The following ERN1 variants were observed in gnomAD, a reference collection of about 807,000 sequenced individuals.
The protein encoded by ERN1 is endoplasmic reticulum to nucleus signaling 1, also known as serine/threonine-protein kinase/endoribonuclease IRE1.
ERN1 carries 39 observed loss-of-function variants against 113.1 expected under a neutral mutation model. The ratio of observed to expected loss-of-function variants is 0.34; its 90% CI spans 0.27 to 0.45. ERN1 has a LOEUF of 0.45. Ranked by LOEUF, ERN1 falls within the 20% of genes least tolerant of loss-of-function variation. The probability of loss-of-function intolerance (pLI) is 1.00; values close to 1 mark genes in which losing one functional copy is unlikely to be tolerated. For missense variants in ERN1, 976 were observed against 1,274.8 expected, an observed-to-expected ratio of 0.77 and a Z score of 3.57; for synonymous variants, 507 against 515.9, an observed-to-expected ratio of 0.98 and a Z score of 0.23.
At chr17:64,124,842 A>C (rs911096231) in intron 1 of ERN1, among the ~76,000 whole-genome samples, 7 of 152,240 alleles carry the variant, frequency 4.6e-5, no homozygotes, top group African/African-American at 1.7e-4. Context: ...GAACCTTGAG[A>C]ACATGATGCT....
chr17:64,058,300 A>G (rs79103511), intron 11 of ERN1, among the ~76,000 whole-genome samples: 2,169 of 152,250 alleles, frequency 0.014, 38 homozygotes, highest in African/African-American at 0.05. Flanking sequence ...AAAGGCAAAC[A>G]CTTCCTCCTT....
chr17:64,085,794 G>A (rs1269449415), intron 2 of ERN1, among the ~76,000 whole-genome samples: 5 of 152,102 alleles, frequency 3.3e-5, no homozygotes, highest in African/African-American at 1.2e-4. Flanking sequence ...TCCATGGTGT[G>A]GCCAGCTAGG....
intron 9 of ERN1, among the ~76,000 whole-genome samples, chr17:64,064,794 A>G (rs1913166588): frequency 6.6e-6 from 1 of 152,194 alleles, no homozygotes; most frequent in Non-Finnish European, 1.5e-5. Context: ...TTGAAGTGTG[A>G]GGTGAGGAGC....
intron 6 of ERN1, among the ~76,000 whole-genome samples, chr17:64,070,498 TA>T (rs1483392870): frequency 1.3e-5 from 2 of 152,172 alleles, no homozygotes; most frequent in African/African-American, 4.8e-5. Context: ...ATGGAAAAGG[TA>T]AACACATAAA....
chr17:64,114,257 G>T (rs1253137198), intron 1 of ERN1, among the ~76,000 whole-genome samples: 1 of 152,142 alleles, frequency 6.6e-6, no homozygotes, highest in Non-Finnish European at 1.5e-5. Context: ...GGAGCTTACA[G>T]TCCAATAGGA....
At chr17:64,094,803 A>C in intron 2 of ERN1, among the ~76,000 whole-genome samples, 1 of 149,948 alleles carries the variant, frequency 6.7e-6, no homozygotes, top group Non-Finnish European at 1.5e-5. Flanking sequence ...TCCCCACTTC[A>C]TTTTTTCTTC....
Position 64,054,889 on chromosome 17 carries a change from T to TGA in ERN1, c.1673-62_1673-61insTC. ...AGATATCACCTAAAGAACCTTGAGG[T>TGA]TAACATAGTGACAAGCTTCCTGACC... On this transcript the variant is annotated intron_variant, in intron 13 of 21. Coordinates refer to ENST00000433197, the MANE Select transcript of ERN1 (RefSeq NM_001433.5). The surrounding 1 kb of genome is among the most constrained non-coding windows in gnomAD (Gnocchi z 4.9). 1.6e-6 allele frequency: 2 copies of TGA among 1,276,660 alleles called. No individual in the cohort carries two copies. Among genetic ancestry groups the TGA allele is most frequent in the Non-Finnish European group, 2.2e-6 (2 of 904,634 alleles). 79.1% of individuals were successfully genotyped at this position (1,276,660 alleles called of 1,614,324 possible).
In ERN1 at chr17:64,049,423, G is replaced by A. The variant is rs550164163; in HGVS notation, c.2254-221C>T. On this transcript the variant is annotated intron_variant, in intron 17 of 21. Transcript: ENST00000433197. The surrounding 1 kb of genome is among the most constrained non-coding windows in gnomAD (Gnocchi z 4.7). ...AACCTGGGCTTGGAGCCACCTGGAA[G>A]CCCCTGGTTCCCTCTCATGTGAGAT... Among the ~76,000 whole-genome samples the A allele has an allele frequency of 2.6e-5, 4 of 152,332 alleles. No homozygotes were observed. The East Asian group carries it at 7.7e-4, about 29-fold the overall frequency.
intron 6 of ERN1, among the ~76,000 whole-genome samples, chr17:64,071,512 C>T (rs1234953358): frequency 6.6e-6 from 1 of 152,056 alleles, no homozygotes; most frequent in Non-Finnish European, 1.5e-5. Flanking sequence ...CCTCCACCTC[C>T]CCAGTTCAGG....
At chr17:64,077,314 G>A (rs1210891622) in intron 4 of ERN1, among the ~76,000 whole-genome samples, 1 of 152,106 alleles carries the variant, frequency 6.6e-6, no homozygotes, top group African/African-American at 2.4e-5. Context: ...TGCATAATAC[G>A]CAAACAGAAA....
chr17:64,074,584 G>T (rs1001352040), intron 5 of ERN1, among the ~76,000 whole-genome samples: 4 of 152,250 alleles, frequency 2.6e-5, no homozygotes, highest in Non-Finnish European at 4.4e-5. Context: ...AAAGAAAGCT[G>T]CTGTATAAAT....
At chr17:64,117,945 C>G (rs7209842) in intron 1 of ERN1, among the ~76,000 whole-genome samples, 10,442 of 152,202 alleles carry the variant, frequency 0.069, 512 homozygotes, top group African/African-American at 0.12. Context: ...TCCCAAGCAT[C>G]TCAAACAGTG....
intron 2 of ERN1, among the ~76,000 whole-genome samples, chr17:64,089,253 A>G (rs1347709849): frequency 7.1e-6 from 1 of 140,754 alleles, no homozygotes; most frequent in Non-Finnish European, 1.5e-5. Context: ...TGGGAGGCAG[A>G]GCTTGCAGTG....
Position 64,119,380 on chromosome 17 carries a change from T to G in ERN1, c.54+10596A>C, listed in dbSNP as rs1370528445. Among the ~76,000 whole-genome samples the G allele has an allele frequency of 2.7e-3, 305 of 111,722 alleles. 31 individuals carry two copies. Among genetic ancestry groups the G allele is most frequent in the African/African-American group, 0.014 (291 of 21,398 alleles). 73.3% of individuals were successfully genotyped at this position (111,722 alleles called of 152,430 possible). On this transcript the variant is annotated intron_variant, in intron 1 of 21. Transcript: ENST00000433197. ...ATTAGGTTCCTTTTTTTCTAGGTTTTTTTTTTTTTTTTTTTTTTTTTTTTT... is the reference window on the plus strand; with the variant it reads ...ATTAGGTTCCTTTTTTTCTAGGTTTGTTTTTTTTTTTTTTTTTTTTTTTTT...
At chr17:64,103,116 A>G (rs1258908370) in intron 1 of ERN1, among the ~76,000 whole-genome samples, 1 of 152,058 alleles carries the variant, frequency 6.6e-6, no homozygotes, top group African/African-American at 2.4e-5. Flanking sequence ...CTGCAGCCCT[A>G]CTCAGCTGGA....
At chr17:64,056,763 G>C (rs1044980378) in intron 12 of ERN1, among the ~76,000 whole-genome samples, 2 of 152,204 alleles carry the variant, frequency 1.3e-5, no homozygotes, top group Non-Finnish European at 2.9e-5. Flanking sequence ...TACCCGTGGG[G>C]AAAGTTACTT....
intron 2 of ERN1, among the ~76,000 whole-genome samples, chr17:64,088,220 C>T (rs1244318182): frequency 2.0e-5 from 3 of 152,144 alleles, no homozygotes; most frequent in African/African-American, 7.2e-5. Flanking sequence ...TTTGCTTTTC[C>T]GTTGGACTCT....
chr17:64,103,496 C>CA (rs11303108), intron 1 of ERN1, among the ~76,000 whole-genome samples: 757 of 61,942 alleles, frequency 0.012, 7 homozygotes, highest in East Asian at 0.022. Context: ...GACTCCATCT[C>CA]AAAAAAAAAA....
intron 11 of ERN1, among the ~76,000 whole-genome samples, chr17:64,058,829 C>G (rs1192978422): frequency 4.6e-5 from 7 of 152,030 alleles, no homozygotes; most frequent in Non-Finnish European, 8.8e-5. Flanking sequence ...CTAGAATGTT[C>G]TTCTCTCCCC....
Sources: gnomAD v4.1 joint callset for allele counts (sites outside exome capture counted in the v4.1 genomes callset) on GRCh38, gnomAD v4.1.1 for gene constraint, Gnocchi (gnomAD v3.1) non-coding constraint, MANE v1.5 for transcripts, NCBI Gene and HGNC (gene_info 2026-07-23, HGNC 2026-07-21) for gene names.